MAN2A1: variants seen among roughly 807,000 people sequenced by gnomAD.
MAN2A1 encodes the protein alpha-mannosidase 2.
MAN2A1 carries 76 observed loss-of-function variants against 142.6 expected under a neutral mutation model. That is an observed-to-expected ratio of 0.53 (90% CI 0.44 to 0.65). The LOEUF is 0.65. Ranked by LOEUF, MAN2A1 falls within the 30% of genes least tolerant of loss-of-function variation. MAN2A1 has a pLI of 0.00. For missense variants in MAN2A1, 1,311 were observed against 1,365.1 expected, an observed-to-expected ratio of 0.96 and a Z score of 0.62; for synonymous variants, 559 against 473.2, an observed-to-expected ratio of 1.18 and a Z score of -2.35.
chr5:109,855,075 A>T (rs1755571183), intron 19 of MAN2A1, 65 bp from the exon 20 acceptor site: 3 of 792,474 alleles, frequency 3.8e-6, no homozygotes, highest in South Asian at 6.3e-5. Flanking sequence ...CTCTCAGATA[A>T]TTCTGTTAAT....
At chr5:109,785,001 A>C in intron 10 of MAN2A1, 75 bp downstream of exon 10, 1 of 1,139,082 alleles carries the variant, frequency 8.8e-7, no homozygotes. Context: ...TCTTTTGGTG[A>C]AGTTGTTAGT....
chr5:109,864,323 T>C (rs904730694), intron 20 of MAN2A1: 1 of 152,242 alleles, frequency 6.6e-6, no homozygotes, highest in African/African-American at 2.4e-5. Flanking sequence ...ATTCATGACA[T>C]TGATACTTAA....
rs773162176 is a variant in MAN2A1 at position 109,817,418 on chromosome 5, A to G, written c.2089A>G (p.Ile697Val). The change falls in exon 13 of 22, where the codon ATT becomes GTT. Residue 697 changes from isoleucine (I) to valine (V), a missense_variant. Around this residue, in one of 3 missense-constraint regions of MAN2A1, gnomAD observed 890 missense variants for 920.5 expected, o/e 0.97. Transcript: ENST00000261483. ...CGCAGTTTGGGATACAGCAAATACT[A>G]TTTCAGAAACAGCCTATGAGGTATG... ...VSAVWDTANT[I>V]SETAYEISFR... is the part of the protein sequence containing the mutation. The G allele has an allele frequency of 5.6e-6, 9 of 1,613,858 alleles. No homozygotes were observed. The East Asian group carries it at 2.0e-4, about 36-fold the overall frequency.
intron 4 of MAN2A1, among the ~76,000 whole-genome samples, chr5:109,738,233 G>GTTTTTTTT (rs70999941): frequency 4.1e-5 from 5 of 122,580 alleles, no homozygotes; most frequent in African/African-American, 9.5e-5. Flanking sequence ...GGTATTTTAT[G>GTTTTTTTT]TTTTTTTTTT....
intron 5 of MAN2A1, among the ~76,000 whole-genome samples, chr5:109,763,110 C>T (rs1380688828): frequency 6.6e-6 from 1 of 152,168 alleles, no homozygotes; most frequent in Non-Finnish European, 1.5e-5. Context: ...CTTCAAATCT[C>T]CTGGTTTTTG....
intron 4 of MAN2A1, among the ~76,000 whole-genome samples, chr5:109,735,050 G>A (rs998233141): frequency 1.3e-5 from 2 of 152,124 alleles, no homozygotes; most frequent in Non-Finnish European, 2.9e-5. Context: ...GTGAAACTGG[G>A]TGCTCCTGTA....
At chr5:109,734,101 G>A (rs1383034260) in intron 4 of MAN2A1, among the ~76,000 whole-genome samples, 2 of 152,108 alleles carry the variant, frequency 1.3e-5, no homozygotes, top group African/African-American at 2.4e-5. Flanking sequence ...GAGGGTGTAT[G>A]TGTCCAGGAA....
chr5:109,786,396 T>A (rs1274455189), intron 10 of MAN2A1, among the ~76,000 whole-genome samples: 1 of 152,062 alleles, frequency 6.6e-6, no homozygotes, highest in Non-Finnish European at 1.5e-5. Flanking sequence ...GGCTGTCATA[T>A]CGAAAGAGAT....
intron 16 of MAN2A1, among the ~76,000 whole-genome samples, 158 bp downstream of exon 16, chr5:109,823,995 G>A (rs1754696596): frequency 6.6e-6 from 1 of 152,076 alleles, no homozygotes; most frequent in African/African-American, 2.4e-5. Flanking sequence ...CTTACCCTTT[G>A]ATAATAAAAA....
At chr5:109,765,828 T>C (rs531583187) in intron 5 of MAN2A1, among the ~76,000 whole-genome samples, 1 of 152,276 alleles carries the variant, frequency 6.6e-6, no homozygotes, top group East Asian at 1.9e-4. Context: ...TCTTTGGTCT[T>C]TTCCTGAGTT....
chr5:109,787,810 T>G (rs1753632261), intron 10 of MAN2A1, among the ~76,000 whole-genome samples: 1 of 151,720 alleles, frequency 6.6e-6, no homozygotes, highest in Non-Finnish European at 1.5e-5. Flanking sequence ...ATTCGTATGG[T>G]GTTTTAGTAT....
At position 109,842,363 on chromosome 5, in the gene MAN2A1, G is replaced by A. The variant is rs751909851; in HGVS notation, c.2602G>A (p.Val868Met). ...ACAGTCTGTGGAAGTTTCCAATATT[G>A]TGGACATCCGAAAAGTATATAACCG... ...EGQSVEVSNI[V>M]DIRKVYNREI... The change falls in exon 17 of 22, where the codon GTG (valine) becomes ATG (methionine). Residue 868 changes from valine (V) to methionine (M), a missense_variant. Coordinates refer to ENST00000261483, the MANE Select transcript of MAN2A1 (RefSeq NM_002372.4). 29 of 1,587,730 alleles carry A rather than the reference G, an allele frequency of 1.8e-5. No individual in the cohort carries two copies. The Admixed American group carries it at 4.7e-4, about 26-fold the overall frequency.
At chr5:109,753,983 A>G (rs574691345) in intron 4 of MAN2A1, among the ~76,000 whole-genome samples, 1 of 150,308 alleles carries the variant, frequency 6.7e-6, no homozygotes, top group East Asian at 1.9e-4. Flanking sequence ...ATCATAGCTC[A>G]CTGCAGCCTC....
chr5:109,825,275 T>G (rs1236837163), intron 16 of MAN2A1, among the ~76,000 whole-genome samples: 1 of 152,226 alleles, frequency 6.6e-6, no homozygotes, highest in Non-Finnish European at 1.5e-5. Flanking sequence ...TAAGTTTGCT[T>G]TAAACTATTG....
chr5:109,762,467 G>A (rs1247696859), intron 5 of MAN2A1, among the ~76,000 whole-genome samples: 2 of 152,040 alleles, frequency 1.3e-5, no homozygotes, highest in East Asian at 1.9e-4. Context: ...TTTCTACAAC[G>A]TGAAGGTGAG....
intron 3 of MAN2A1, among the ~76,000 whole-genome samples, chr5:109,729,078 GC>G (rs1211027481): frequency 6.6e-6 from 1 of 151,894 alleles, no homozygotes; most frequent in Non-Finnish European, 1.5e-5. Flanking sequence ...CTGCTTTTTG[GC>G]CTTAGGTCAT....
intron 2 of MAN2A1, among the ~76,000 whole-genome samples, chr5:109,714,659 G>A (rs557219300): frequency 2.6e-5 from 4 of 152,158 alleles, no homozygotes; most frequent in African/African-American, 7.2e-5. Context: ...TTGGGGGAAG[G>A]ATCCTAAGGG....
At chr5:109,710,941 C>T (rs537391239) in intron 1 of MAN2A1, among the ~76,000 whole-genome samples, 83 of 152,284 alleles carry the variant, frequency 5.5e-4, no homozygotes, top group African/African-American at 1.8e-3. Context: ...CCGCCCGCTT[C>T]GGACTCCCAA....
chr5:109,745,424 A>G (rs1752374802), intron 4 of MAN2A1, among the ~76,000 whole-genome samples: 1 of 152,172 alleles, frequency 6.6e-6, no homozygotes, highest in Non-Finnish European at 1.5e-5. Flanking sequence ...CCCTTTGTGC[A>G]TATATATCAA....
Sources: allele counts gnomAD v4.1 joint callset (sites outside exome capture counted in the v4.1 genomes callset), GRCh38; gene constraint gnomAD v4.1.1; regional missense constraint gnomAD v4.1.1; transcripts MANE v1.5; gene names NCBI Gene and HGNC (gene_info 2026-07-23, HGNC 2026-07-21).